The following PHLDB2 variants were observed in gnomAD, a reference collection of about 807,000 sequenced individuals.
PHLDB2 encodes the protein pleckstrin homology like domain family B member 2.
Under a neutral mutation model 123.6 loss-of-function variants are expected in PHLDB2, and 71 were observed. The ratio of observed to expected loss-of-function variants is 0.57; its 90% CI spans 0.47 to 0.70. The LOEUF is 0.70. PHLDB2 is among the 30% of genes least tolerant of loss of function. The probability of loss-of-function intolerance (pLI) is 0.00; values close to 1 mark genes in which losing one functional copy is unlikely to be tolerated. For synonymous variants in PHLDB2, 547 were observed against 541.6 expected, an observed-to-expected ratio of 1.01 and a Z score of -0.14; for missense variants, 1,446 against 1,519.5, an observed-to-expected ratio of 0.95 and a Z score of 0.80.
At chr3:111,891,814 C>T (rs148968842) in intron 2 of PHLDB2, among the ~76,000 whole-genome samples, 29 of 152,084 alleles carry the variant, frequency 1.9e-4, no homozygotes, top group Middle Eastern at 3.4e-3. Flanking sequence ...TAGTGATGGC[C>T]GTCTAGAGCT....
In PHLDB2 at chr3:111,770,969, T is replaced by C. The variant is rs151338961; in HGVS notation, c.-49+38266T>C. On this transcript the variant is annotated intron_variant, in intron 1 of 17. Coordinates refer to the PHLDB2 transcript ENST00000393923. ...GGATGAGGCAGCTTGAGGAGAGATG[T>C]GGAGCCCAGCCGCCTCATGGCATGC... 4.8e-3 allele frequency among the ~76,000 whole-genome samples: 495 copies of C among 102,768 alleles called. 5 individuals are homozygous for C. The highest frequency in any genetic ancestry group is 0.015 in the Middle Eastern group (3 of 198). 67.4% of individuals were successfully genotyped at this position (102,768 alleles called of 152,430 possible).
chr3:111,817,088 G>T (rs527708570), intron 1 of PHLDB2, among the ~76,000 whole-genome samples: 12 of 152,250 alleles, frequency 7.9e-5, no homozygotes, highest in African/African-American at 2.4e-4. Flanking sequence ...ATGTGGAACT[G>T]TAAGTCCAAT....
chr3:111,965,015 G>T (rs951301608), intron 13 of PHLDB2, among the ~76,000 whole-genome samples: 2 of 152,116 alleles, frequency 1.3e-5, no homozygotes, highest in African/African-American at 4.8e-5. Context: ...TATACGTCCT[G>T]CATGCCTGTC....
At chr3:111,789,018 T>C (rs2060804101) in intron 1 of PHLDB2, among the ~76,000 whole-genome samples, 1 of 152,204 alleles carries the variant, frequency 6.6e-6, no homozygotes, top group Non-Finnish European at 1.5e-5. Context: ...CGCTATATTA[T>C]GTTCTTCTCC....
chr3:111,794,165 A>C (rs1157490680), intron 1 of PHLDB2, among the ~76,000 whole-genome samples: 1 of 152,010 alleles, frequency 6.6e-6, no homozygotes, highest in African/African-American at 2.4e-5. Context: ...TGCTTTCCAG[A>C]ACCCAGTCGC....
At chr3:111,941,985 T>G (rs2069928487) in intron 8 of PHLDB2, among the ~76,000 whole-genome samples, 1 of 152,168 alleles carries the variant, frequency 6.6e-6, no homozygotes, top group South Asian at 2.1e-4. Flanking sequence ...TCCCTCTCTA[T>G]CCCTTGCTCT....
intron 1 of PHLDB2, among the ~76,000 whole-genome samples, chr3:111,738,012 G>T (rs4557129): frequency 0.35 from 52,946 of 151,988 alleles, 11,305 homozygotes; most frequent in African/African-American, 0.6. Context: ...TTGGCAGGTG[G>T]CAGGCTTCTC....
At chr3:111,879,350 C>A (rs1191295468) in intron 1 of PHLDB2, among the ~76,000 whole-genome samples, 1 of 151,994 alleles carries the variant, frequency 6.6e-6, no homozygotes, top group Non-Finnish European at 1.5e-5. Flanking sequence ...GAAGTTGGTA[C>A]TCTACACATT....
chr3:111,961,932 G>GT lies in PHLDB2; in HGVS notation c.2873-174dup, dbSNP rs2071434058. 8.1e-6 allele frequency: 5 copies of GT among 617,804 alleles called. No homozygotes were observed. The South Asian group carries it at 1.0e-4, about 12-fold the overall frequency. 38.3% of individuals were successfully genotyped at this position (617,804 alleles called of 1,614,324 possible). A position where few individuals can be genotyped will look rare whatever the true frequency, so the allele number is the denominator to read the frequency against. On this transcript the variant is annotated intron_variant, in intron 12 of 17. Transcript: ENST00000431670. ...CTCAGCAGACCACTTCATTCAAACT[G>GT]TTGCTTGCACTGAGCACGGTGCTCT... is the stretch of plus-strand genomic sequence containing the variant.
chr3:111,966,802 C>T, intron 14 of PHLDB2, 99 bp downstream of exon 14: 4 of 843,678 alleles, frequency 4.7e-6, no homozygotes, highest in Non-Finnish European at 7.5e-6. Context: ...GCCGTGTGTT[C>T]CTGGAATAAA....
At chr3:111,919,020 A>T in intron 3 of PHLDB2, 52 bp from the exon 4 acceptor site, 1 of 1,590,972 alleles carries the variant, frequency 6.3e-7, no homozygotes, top group East Asian at 2.2e-5. Flanking sequence ...TCAAGTTGGG[A>T]AATTCTAGAA....
chr3:111,937,833 C>T (rs190988518), intron 6 of PHLDB2, among the ~76,000 whole-genome samples: 47 of 149,418 alleles, frequency 3.1e-4, no homozygotes, highest in Admixed American at 4.0e-4. Context: ...TAAACATACG[C>T]GATTTATAAA....
chr3:111,771,543 G>A (rs1047750451), intron 1 of PHLDB2, among the ~76,000 whole-genome samples: 5 of 152,054 alleles, frequency 3.3e-5, no homozygotes, highest in African/African-American at 7.2e-5. Context: ...GTTTCACCAC[G>A]TGGGCCAGAC....
intron 1 of PHLDB2, among the ~76,000 whole-genome samples, chr3:111,882,891 G>C (rs1432766765): frequency 6.6e-6 from 1 of 152,212 alleles, no homozygotes; most frequent in Non-Finnish European, 1.5e-5. Flanking sequence ...AAGAGCTAGA[G>C]GGGTGGAAGA....
chr3:111,839,435 A>G (rs2063569113), intron 1 of PHLDB2, among the ~76,000 whole-genome samples: 2 of 152,128 alleles, frequency 1.3e-5, no homozygotes, highest in South Asian at 4.2e-4. Context: ...TTCACAATGT[A>G]CTCTCAAGTA....
chr3:111,966,720 C>T lies in PHLDB2; in HGVS notation c.3168+17C>T. ...GAATCCAGGGTAAGCTTCATATTTT[C>T]ATGCCGGAGGTCTGTGATACCGTGG... On this transcript the variant is annotated intron_variant, in intron 14 of 17. Transcript: ENST00000431670. 2 of 1,606,292 alleles carry T rather than the reference C, an allele frequency of 1.2e-6. No individual in the cohort carries two copies. Among genetic ancestry groups the T allele is most frequent in the Non-Finnish European group, 1.7e-6 (2 of 1,174,504 alleles).
chr3:111,823,332 CAG>C (rs2062495622), intron 1 of PHLDB2, among the ~76,000 whole-genome samples: 1 of 152,238 alleles, frequency 6.6e-6, no homozygotes, highest in African/African-American at 2.4e-5. Context: ...CTGTTATTTT[CAG>C]AGACTTCCAG....
intron 1 of PHLDB2, among the ~76,000 whole-genome samples, chr3:111,814,094 A>G (rs1421586622): frequency 1.3e-5 from 2 of 152,222 alleles, no homozygotes; most frequent in East Asian, 1.9e-4. Context: ...AAAACAGTGT[A>G]TTCCAAAACG....
chr3:111,891,803 G>A (rs972361539), intron 2 of PHLDB2, among the ~76,000 whole-genome samples: 4 of 152,104 alleles, frequency 2.6e-5, no homozygotes, highest in Non-Finnish European at 4.4e-5. Flanking sequence ...TAGTCCAGAG[G>A]TAGTGATGGC....
Sources: allele counts gnomAD v4.1 joint callset (sites outside exome capture counted in the v4.1 genomes callset), GRCh38; gene constraint gnomAD v4.1.1; transcripts MANE v1.5; gene names NCBI Gene and HGNC (gene_info 2026-07-23, HGNC 2026-07-21).